The following RAPGEF2 variants were observed in gnomAD, a reference collection of about 807,000 sequenced individuals.
RAPGEF2 encodes Rap guanine nucleotide exchange factor 2.
In RAPGEF2, 54 loss-of-function variants were observed where a neutral mutation model predicts 186.7. That is an observed-to-expected ratio of 0.29 (90% confidence interval 0.23 to 0.36). The LOEUF is 0.36. Ranked by LOEUF, RAPGEF2 falls within the 10% of genes least tolerant of loss-of-function variation. The pLI is 1.00. For synonymous variants in RAPGEF2, 712 were observed against 705.9 expected (o/e 1.01, Z -0.14); for missense variants, 1,532 against 2,045.0 (o/e 0.75, Z 4.84).
intron 7 of RAPGEF2, among the ~76,000 whole-genome samples, chr4:159,278,695 C>G (rs562045475): frequency 4.6e-5 from 7 of 152,312 alleles, no homozygotes; most frequent in Admixed American, 3.9e-4. Context: ...GAACCAGTAA[C>G]TTGGATTTAC....
intron 2 of RAPGEF2, among the ~76,000 whole-genome samples, chr4:159,188,510 A>C (rs560168428): frequency 1.3e-3 from 198 of 152,084 alleles, no homozygotes; most frequent in Middle Eastern, 6.8e-3. Flanking sequence ...CTAAAAATAC[A>C]AAAATTAGCG....
chr4:159,104,060 C>T lies in RAPGEF2; in HGVS notation c.-103C>T. 1.8e-6 allele frequency: 1 copy of T among 555,940 alleles called. No homozygotes were observed. Among genetic ancestry groups the T allele is most frequent in the Non-Finnish European group, 2.4e-6 (1 of 418,086 alleles). 34.4% of individuals were successfully genotyped at this position (555,940 alleles called of 1,614,324 possible). ...CGCGGTTTGGCTGATTAGTCGCGGG[C>T]GGGCGGGCGGGCGCAGCGCGCAGGG... On this transcript the variant is annotated 5_prime_UTR_variant, in exon 1 of 30. Coordinates refer to ENST00000691494, the MANE Select transcript of RAPGEF2 (RefSeq NM_001394067.2).
At chr4:159,223,797 T>G (rs1751758038) in intron 4 of RAPGEF2, among the ~76,000 whole-genome samples, 1 of 152,232 alleles carries the variant, frequency 6.6e-6, no homozygotes, top group Non-Finnish European at 1.5e-5. Flanking sequence ...TTACCTCTTT[T>G]CATCTTATCT....
intron 3 of RAPGEF2, among the ~76,000 whole-genome samples, chr4:159,193,947 G>T (rs1748371470): frequency 6.6e-6 from 1 of 152,156 alleles, no homozygotes; most frequent in Non-Finnish European, 1.5e-5. Context: ...CCTTTAAGGA[G>T]TTCATAATCT....
At chr4:159,340,148 A>G (rs570638734) in intron 19 of RAPGEF2, among the ~76,000 whole-genome samples, 2 of 152,242 alleles carry the variant, frequency 1.3e-5, no homozygotes, top group East Asian at 1.9e-4. Context: ...TATTTTTTCT[A>G]TTTTTAACTT....
chr4:159,352,931 T>A (rs1373137803), intron 27 of RAPGEF2, 21 bp downstream of exon 27: 7 of 1,563,606 alleles, frequency 4.5e-6, no homozygotes, highest in Non-Finnish European at 6.1e-6. Flanking sequence ...CTTTTTAATA[T>A]TCTTCTGAAT....
chr4:159,313,576 AAAG>A (rs1764205643), intron 8 of RAPGEF2, among the ~76,000 whole-genome samples: 2 of 152,218 alleles, frequency 1.3e-5, no homozygotes, highest in Non-Finnish European at 2.9e-5. Flanking sequence ...TTTTCTTAAA[AAAG>A]GTATTTATTA....
intron 4 of RAPGEF2, among the ~76,000 whole-genome samples, chr4:159,212,069 TAC>T (rs1397089625): frequency 6.6e-6 from 1 of 152,174 alleles, no homozygotes; most frequent in African/African-American, 2.4e-5. Context: ...TTGAAGTGGG[TAC>T]AGTTATTACC....
intron 17 of RAPGEF2, among the ~76,000 whole-genome samples, chr4:159,336,240 G>A (rs930582581): frequency 6.6e-6 from 1 of 151,774 alleles, no homozygotes; most frequent in African/African-American, 2.4e-5. Context: ...TAGTGGTGGT[G>A]AATTCTGGGA....
intron 7 of RAPGEF2, among the ~76,000 whole-genome samples, chr4:159,298,532 T>G (rs529784160): frequency 6.6e-6 from 1 of 152,332 alleles, no homozygotes; most frequent in Admixed American, 6.5e-5. Flanking sequence ...TCAAGCTGCA[T>G]GTAGAAACAA....
At chr4:159,144,540 A>G (rs1450577216) in intron 1 of RAPGEF2, among the ~76,000 whole-genome samples, 3 of 152,224 alleles carry the variant, frequency 2.0e-5, no homozygotes, top group Non-Finnish European at 2.9e-5. Flanking sequence ...AGTTCTTTCA[A>G]ATGGTCTCAG....
At chr4:159,202,556 T>A (rs905101912) in intron 3 of RAPGEF2, among the ~76,000 whole-genome samples, 4 of 152,152 alleles carry the variant, frequency 2.6e-5, no homozygotes, top group African/African-American at 9.7e-5. Flanking sequence ...CGCTCTGTTT[T>A]CTTTCAACTC....
At chr4:159,225,034 A>G (rs1298919158) in intron 4 of RAPGEF2, among the ~76,000 whole-genome samples, 1 of 152,134 alleles carries the variant, frequency 6.6e-6, no homozygotes, top group Non-Finnish European at 1.5e-5. Flanking sequence ...AAGATACTTG[A>G]TTTTAGGCAT....
At chr4:159,145,471 AAAAACATTGCC>A (rs1185390542) in intron 1 of RAPGEF2, among the ~76,000 whole-genome samples, 2 of 150,440 alleles carry the variant, frequency 1.3e-5, no homozygotes, top group Admixed American at 6.7e-5. Context: ...ATAATTTACC[AAAAACATTGCC>A]AAAACATTGC....
chr4:159,337,492 T>A (rs1399398979), intron 17 of RAPGEF2, among the ~76,000 whole-genome samples: 1 of 152,194 alleles, frequency 6.6e-6, no homozygotes, highest in Non-Finnish European at 1.5e-5. Context: ...TTAATGTGCT[T>A]TTTTTAAAAT....
chr4:159,268,269 T>C, intron 7 of RAPGEF2: 1 of 1,378,884 alleles, frequency 7.3e-7, no homozygotes, highest in South Asian at 1.2e-5. Context: ...GAGAACTGCT[T>C]TAAAATGGGA....
intron 9 of RAPGEF2, among the ~76,000 whole-genome samples, chr4:159,315,586 G>T (rs1218717886): frequency 6.6e-6 from 1 of 152,162 alleles, no homozygotes; most frequent in Non-Finnish European, 1.5e-5. Context: ...CGAATGCCAG[G>T]CTGCACTGGT....
chr4:159,302,769 AT>A (rs969632052), intron 7 of RAPGEF2, among the ~76,000 whole-genome samples: 23 of 151,240 alleles, frequency 1.5e-4, no homozygotes, highest in Non-Finnish European at 3.1e-4. Context: ...ATATTTTTTT[AT>A]TTTTTTTACT....
At chr4:159,173,492 A>C (rs1746130349) in intron 1 of RAPGEF2, among the ~76,000 whole-genome samples, 1 of 152,104 alleles carries the variant, frequency 6.6e-6, no homozygotes, top group Non-Finnish European at 1.5e-5. Flanking sequence ...ATAGGAGTTC[A>C]GTGGAATGAT....
Sources: gnomAD v4.1 joint callset for allele counts (sites outside exome capture counted in the v4.1 genomes callset) on GRCh38, gnomAD v4.1.1 for gene constraint, MANE v1.5 for transcripts, NCBI Gene and HGNC (gene_info 2026-07-23, HGNC 2026-07-21) for gene names.